TRIM58: variants seen among roughly 807,000 people sequenced by gnomAD.
TRIM58 encodes tripartite motif containing 58.
TRIM58 carries 38 observed loss-of-function variants against 34.1 expected under a neutral mutation model. The observed-to-expected ratio is 1.12, with a 90% CI of 0.86 to 1.46. TRIM58 has a LOEUF of 1.46. TRIM58 is among the 40% of genes most tolerant of loss of function. The pLI, the probability that TRIM58 is intolerant of heterozygous loss-of-function variation, is 0.00. For synonymous variants in TRIM58, 273 were observed against 275.7 expected (o/e 0.99, Z 0.10); for missense variants, 677 against 642.0 (o/e 1.05, Z -0.59).
intron 2 of TRIM58, among the ~76,000 whole-genome samples, chr1:247,862,090 T>C (rs1048945393): frequency 2.6e-5 from 4 of 152,200 alleles, no homozygotes; most frequent in African/African-American, 4.8e-5. Context: ...ATCGTGCCAT[T>C]GCACTCCAGC....
intron 2 of TRIM58, among the ~76,000 whole-genome samples, chr1:247,862,528 C>T (rs1180682560): frequency 6.6e-6 from 1 of 152,150 alleles, no homozygotes; most frequent in East Asian, 1.9e-4. Context: ...GTAGGATGTA[C>T]ATTATTTAAT....
intron 3 of TRIM58, among the ~76,000 whole-genome samples, chr1:247,865,515 G>C (rs1663898349): frequency 1.3e-5 from 2 of 152,178 alleles, no homozygotes; most frequent in Non-Finnish European, 2.9e-5. Context: ...AAATTGTCCA[G>C]CTTGAAATTG....
At chr1:247,871,884 G>A (rs1187825945) in intron 5 of TRIM58, among the ~76,000 whole-genome samples, 2 of 151,818 alleles carry the variant, frequency 1.3e-5, no homozygotes, top group African/African-American at 4.8e-5. Context: ...TATGCAAAGG[G>A]TAATGAGAAG....
chr1:247,860,553 C>A, intron 1 of TRIM58, 64 bp from the exon 2 acceptor site: 1 of 1,148,818 alleles, frequency 8.7e-7, no homozygotes, highest in Non-Finnish European at 1.3e-6. Flanking sequence ...TATTTCCTCA[C>A]ACATCTGTGT....
chr1:247,871,591 C>T (rs1166339263), intron 5 of TRIM58, among the ~76,000 whole-genome samples: 1 of 152,188 alleles, frequency 6.6e-6, no homozygotes. Flanking sequence ...TACCCACGTT[C>T]TCCTGGGTAG....
At chr1:247,865,380 A>C (rs570737635) in intron 3 of TRIM58, among the ~76,000 whole-genome samples, 1 of 152,354 alleles carries the variant, frequency 6.6e-6, no homozygotes, top group South Asian at 2.1e-4. Flanking sequence ...CTGGCTGAGA[A>C]GTAATTCCTA....
chr1:247,867,972 T>C lies in TRIM58; in HGVS notation c.780T>C (p.Ala260=), dbSNP rs932989991. The change falls in exon 5 of 6, where the codon GCT becomes GCC. Residue 260 remains alanine, a synonymous_variant. Coordinates refer to ENST00000366481, the MANE Select transcript of TRIM58 (RefSeq NM_015431.4). ...GVRGVLSRSK[A]VTRLEAENIP... is the part of the protein sequence containing the mutation. ...TCTGTGCTCTTCCCAGAAGTAAGGC[T>C]GTCACAAGGCTGGAAGCAGAGAACA... The C allele has an allele frequency of 1.2e-6, 2 of 1,613,452 alleles. No individual in the cohort carries two copies. The highest frequency in any genetic ancestry group is 2.7e-5 in the African/African-American group (2 of 75,048).
Position 247,877,053 on chromosome 1 carries a change from A to T in TRIM58, c.*564A>T, listed in dbSNP as rs982498227. The stretch of plus-strand genomic sequence containing the variant: ...ACCTGTTGCTTCCTTCTGGATTAAT[A>T]CATTTAGAGCCATTCCTTTATATGG... On this transcript the variant is annotated 3_prime_UTR_variant, in exon 6 of 6. Transcript: ENST00000366481. 1 of 153,626 alleles carries T rather than the reference A, an allele frequency of 6.5e-6. No individual in the cohort carries two copies. The highest frequency in any genetic ancestry group is 1.4e-5 in the Non-Finnish European group (1 of 69,042). The allele number at this position is 153,626 out of a possible 1,614,324, so 9.5% of individuals were successfully genotyped here.
rs758641097 is a variant in TRIM58, at chr1:247,860,595, C to T, written c.421-22C>T. 6.3e-6 allele frequency: 10 copies of T among 1,584,942 alleles called. No homozygotes were observed. The Admixed American group carries it at 1.2e-4, about 19-fold the overall frequency. On this transcript the variant is annotated intron_variant, in intron 1 of 5. Coordinates refer to ENST00000366481, the MANE Select transcript of TRIM58 (RefSeq NM_015431.4). ...AGGTACAGATTGAGGGCATCTGTAACAGCTGAAATGTTCCCAAACAGGTAA... is the reference window on the plus strand; with the variant it reads ...AGGTACAGATTGAGGGCATCTGTAATAGCTGAAATGTTCCCAAACAGGTAA...
chr1:247,867,543 A>C (rs1663957847), intron 3 of TRIM58, among the ~76,000 whole-genome samples: 1 of 152,116 alleles, frequency 6.6e-6, no homozygotes, highest in Non-Finnish European at 1.5e-5. Context: ...AAAATACAAA[A>C]AAATAAAAAA....
Position 247,860,719 on chromosome 1 carries a change from C to A in TRIM58, c.516+7C>A. The A allele has an allele frequency of 6.2e-7, 1 of 1,607,474 alleles. No homozygotes were observed. ...AAAGACTGTCATTTGGAAGGTAAGA[C>A]CATGTTGGGGCTTTAGGAGGCTTGC... On this transcript the variant is annotated splice_region_variant and intron_variant, in intron 2 of 5. Coordinates refer to ENST00000366481, the MANE Select transcript of TRIM58 (RefSeq NM_015431.4).
intron 5 of TRIM58, among the ~76,000 whole-genome samples, chr1:247,869,454 G>C (rs973690505): frequency 2.6e-5 from 4 of 152,206 alleles, no homozygotes; most frequent in African/African-American, 9.6e-5. Flanking sequence ...AGACACTCTT[G>C]TATTTCTGGA....
rs777618771 is a variant in TRIM58 at position 247,864,886 on chromosome 1, C to T, written c.698C>T (p.Ala233Val). Residue 233 changes from alanine to valine, a missense_variant, in exon 3 of 6, where the codon GCG becomes GTG. By Grantham distance (64) the Ala-to-Val change is moderately conservative (BLOSUM62 0). Coordinates refer to ENST00000366481, the MANE Select transcript of TRIM58 (RefSeq NM_015431.4). ...VQQSKALKEL[A>V]DELQERCQRP... Reference sequence around the variant, plus strand: ...CAGAGCAAGGCCCTGAAGGAGCTGGCGGATGAGCTGCAGGAGAGGTGCCAG... The same window carrying T: ...CAGAGCAAGGCCCTGAAGGAGCTGGTGGATGAGCTGCAGGAGAGGTGCCAG... 4.6e-5 allele frequency: 74 copies of T among 1,606,280 alleles called. No homozygotes were observed. The Middle Eastern group carries it at 1.4e-3, about 31-fold the overall frequency.
intron 5 of TRIM58, among the ~76,000 whole-genome samples, chr1:247,870,070 G>C (rs914095031): frequency 2.0e-5 from 3 of 152,142 alleles, no homozygotes; most frequent in Admixed American, 2.0e-4. Context: ...TGTATTGATA[G>C]ACTTGTCTGT....
chr1:247,863,509 G>A (rs1663848198), intron 2 of TRIM58, among the ~76,000 whole-genome samples: 1 of 151,768 alleles, frequency 6.6e-6, no homozygotes, highest in Non-Finnish European at 1.5e-5. Flanking sequence ...CTGCACTCTA[G>A]CCTGGGTGAC....
rs207461407 is a variant in TRIM58, at chr1:247,868,913, T to C, written c.871+850T>C. 7.3e-5 allele frequency among the ~76,000 whole-genome samples: 11 copies of C among 151,296 alleles called. No homozygotes were observed. In the Admixed American group the frequency reaches 7.3e-4, roughly 10 times the overall value. On this transcript the variant is annotated intron_variant, in intron 5 of 5. Coordinates refer to ENST00000366481, the MANE Select transcript of TRIM58 (RefSeq NM_015431.4). ...CCTCAGGACTCAGTTCTTTTTTTTG[T>C]GTGTGTGATGAAGTCTTACTCTGTC... is the stretch of plus-strand genomic sequence containing the variant.
At chr1:247,860,415 C>T (rs547017942) in intron 1 of TRIM58, among the ~76,000 whole-genome samples, 4 of 136,350 alleles carry the variant, frequency 2.9e-5, no homozygotes, top group South Asian at 2.3e-4. Context: ...GAGCCATGAT[C>T]GCAACACTGC....
At chr1:247,868,406 C>G (rs543292099) in intron 5 of TRIM58, among the ~76,000 whole-genome samples, 1 of 152,150 alleles carries the variant, frequency 6.6e-6, no homozygotes, top group Non-Finnish European at 1.5e-5. Flanking sequence ...GGAAGAAGTT[C>G]TCTTCCAGAG....
intron 2 of TRIM58, among the ~76,000 whole-genome samples, chr1:247,862,679 A>G (rs1663820941): frequency 6.6e-6 from 1 of 152,318 alleles, no homozygotes; most frequent in South Asian, 2.1e-4. Context: ...TAAGCCCTCT[A>G]CAGATTATTC....
Sources: gnomAD v4.1 joint callset for allele counts (sites outside exome capture counted in the v4.1 genomes callset) on GRCh38, gnomAD v4.1.1 for gene constraint, MANE v1.5 for transcripts, NCBI Gene and HGNC (gene_info 2026-07-23, HGNC 2026-07-21) for gene names.